KAZN: variants seen among roughly 807,000 people sequenced by gnomAD.
The protein encoded by KAZN is kazrin.
KAZN carries 40 observed loss-of-function variants against 87.4 expected under a neutral mutation model. The observed-to-expected ratio is 0.46, with a 90% CI of 0.36 to 0.60. KAZN has a LOEUF of 0.60. Among genes scored for constraint, KAZN ranks in the 20% least tolerant of loss-of-function variants. The probability of loss-of-function intolerance (pLI) is 0.00; values close to 1 mark genes in which losing one functional copy is unlikely to be tolerated. For missense variants in KAZN, 898 were observed against 1,073.9 expected (o/e 0.84, Z 2.29); for synonymous variants, 466 against 458.3 (o/e 1.02, Z -0.22).
At chr1:14,791,644 A>G (rs1645676835) in intron 1 of KAZN, among the ~76,000 whole-genome samples, 1 of 152,232 alleles carries the variant, frequency 6.6e-6, no homozygotes, top group African/African-American at 2.4e-5. Flanking sequence ...CCAAGAGTCC[A>G]CTGAGGACGG....
chr1:14,103,322 G>A (rs975137402), intron 1 of KAZN, among the ~76,000 whole-genome samples: 5 of 152,140 alleles, frequency 3.3e-5, no homozygotes, highest in East Asian at 1.9e-4. Flanking sequence ...AAATACAGTC[G>A]CATGTTGAGG....
At chr1:13,930,573 A>G (rs866807832) in intron 1 of KAZN, among the ~76,000 whole-genome samples, 1 of 152,072 alleles carries the variant, frequency 6.6e-6, no homozygotes, top group Non-Finnish European at 1.5e-5. Context: ...GTGCTGTGCT[A>G]GGGCTGGGGA....
intron 1 of KAZN, among the ~76,000 whole-genome samples, chr1:14,066,941 T>C (rs548883862): frequency 6.6e-6 from 1 of 152,304 alleles, no homozygotes; most frequent in Admixed American, 6.5e-5. Flanking sequence ...TGGAGAAGCA[T>C]TAATTTGGCT....
chr1:14,575,666 G>C (rs1675132661), intron 2 of KAZN, among the ~76,000 whole-genome samples: 1 of 152,156 alleles, frequency 6.6e-6, no homozygotes, highest in Non-Finnish European at 1.5e-5. Context: ...TAGGTCAGTG[G>C]TCATGATTAA....
chr1:15,080,776 C>T (rs376428545), intron 8 of KAZN, among the ~76,000 whole-genome samples: 1 of 152,192 alleles, frequency 6.6e-6, no homozygotes, highest in African/African-American at 2.4e-5. Flanking sequence ...GCTGCCTGAA[C>T]AGAGCTGGGC....
In KAZN at chr1:14,564,182, G is replaced by A. The variant is rs574043577; in HGVS notation, c.250-34801G>A. ...CAGCGCACCTCTTCCTGGTTGTGATGTTCTGAACTTAGTATTTCATTCTAC... is the reference window on the plus strand; with the variant it reads ...CAGCGCACCTCTTCCTGGTTGTGATATTCTGAACTTAGTATTTCATTCTAC... On this transcript the variant is annotated intron_variant, in intron 2 of 16. Coordinates refer to the KAZN transcript ENST00000636203. Among the ~76,000 whole-genome samples, 168 of 152,216 alleles carry A rather than the reference G, an allele frequency of 1.1e-3. 1 individual carries two copies. The highest frequency in any genetic ancestry group is 6.8e-3 in the Middle Eastern group (2 of 294).
At chr1:14,319,002 C>A (rs1655850371) in intron 2 of KAZN, among the ~76,000 whole-genome samples, 1 of 144,790 alleles carries the variant, frequency 6.9e-6, no homozygotes, top group Non-Finnish European at 1.5e-5. Flanking sequence ...TTTCTGTTGA[C>A]CTTTTATTTT....
chr1:14,734,308 CTTTTTTTTT>C (rs57677032), intron 1 of KAZN, among the ~76,000 whole-genome samples: 1 of 118,120 alleles, frequency 8.5e-6, no homozygotes, highest in East Asian at 2.4e-4. Context: ...TTTTTCTTTT[CTTTTTTTTT>C]TTTTTTTTTG....
chr1:14,634,445 C>T (rs1312462571), intron 1 of KAZN, among the ~76,000 whole-genome samples: 1 of 152,188 alleles, frequency 6.6e-6, no homozygotes, highest in Non-Finnish European at 1.5e-5. Flanking sequence ...CAGTTATTTA[C>T]ACATACCTAG....
chr1:14,750,249 C>CACCAA (rs1644377155), intron 1 of KAZN, among the ~76,000 whole-genome samples: 1 of 116,600 alleles, frequency 8.6e-6, no homozygotes, highest in Non-Finnish European at 1.8e-5. Context: ...AATTTTGAGA[C>CACCAA]AGTATTCATG....
At chr1:14,682,311 AG>A in intron 1 of KAZN, among the ~76,000 whole-genome samples, 1 of 142,502 alleles carries the variant, frequency 7.0e-6, no homozygotes, top group Non-Finnish European at 1.5e-5. Context: ...TTTTTAAGAC[AG>A]GGTCTTGCTC....
At chr1:14,299,782 C>A (rs1325571041) in intron 2 of KAZN, among the ~76,000 whole-genome samples, 2 of 152,200 alleles carry the variant, frequency 1.3e-5, no homozygotes, top group Non-Finnish European at 1.5e-5. Context: ...ACATTTAAAG[C>A]TTCTGCTCAC....
intron 1 of KAZN, among the ~76,000 whole-genome samples, chr1:14,930,445 C>T (rs1344018719): frequency 6.6e-6 from 1 of 152,206 alleles, no homozygotes; most frequent in African/African-American, 2.4e-5. Context: ...GCAGCATGTT[C>T]CTGACTTTGA....
At chr1:14,709,245 C>G (rs1376934108) in intron 1 of KAZN, among the ~76,000 whole-genome samples, 1 of 152,330 alleles carries the variant, frequency 6.6e-6, no homozygotes, top group Admixed American at 6.5e-5. Flanking sequence ...GGAGCCCAAA[C>G]TCTTGGCTTG....
At chr1:15,049,802 A>G (rs988213357) in intron 4 of KAZN, among the ~76,000 whole-genome samples, 2 of 152,126 alleles carry the variant, frequency 1.3e-5, no homozygotes, top group Admixed American at 1.3e-4. Context: ...AGGCAGGTGG[A>G]TCACCTGAGG....
At chr1:15,051,157 A>C (rs1028080420) in intron 4 of KAZN, among the ~76,000 whole-genome samples, 1 of 152,234 alleles carries the variant, frequency 6.6e-6, no homozygotes, top group Non-Finnish European at 1.5e-5. Context: ...CCAGAGAAAC[A>C]TTCCCTAGAC....
At chr1:14,571,964 G>A (rs973391238) in intron 2 of KAZN, among the ~76,000 whole-genome samples, 1 of 152,178 alleles carries the variant, frequency 6.6e-6, no homozygotes, top group African/African-American at 2.4e-5. Flanking sequence ...CTGGAAGGAT[G>A]TGGTTCTGAT....
chr1:15,088,803 G>T (rs1369169825), intron 8 of KAZN, among the ~76,000 whole-genome samples: 1 of 152,040 alleles, frequency 6.6e-6, no homozygotes. Context: ...GTGAATAGGG[G>T]CGGTGAATAG....
chr1:13,895,029 C>T (rs74995484), intron 1 of KAZN, among the ~76,000 whole-genome samples: 3,599 of 152,244 alleles, frequency 0.024, 156 homozygotes, highest in African/African-American at 0.082. Context: ...TTTTGTAAAA[C>T]GGTGCTACTA....
Sources: allele counts gnomAD v4.1 joint callset (sites outside exome capture counted in the v4.1 genomes callset), GRCh38; gene constraint gnomAD v4.1.1; transcripts MANE v1.5; gene names NCBI Gene and HGNC (gene_info 2026-07-23, HGNC 2026-07-21).